The following PRPF39 variants were observed in gnomAD, a reference collection of about 807,000 sequenced individuals.
PRPF39 encodes pre-mRNA-processing factor 39.
Under a neutral mutation model 82.1 loss-of-function variants are expected in PRPF39, and 27 were observed. The observed-to-expected ratio is 0.33, with a 90% CI of 0.24 to 0.45. The LOEUF is 0.45. Among genes scored for constraint, PRPF39 ranks in the 20% least tolerant of loss-of-function variants. The pLI is 1.00. For synonymous variants in PRPF39, 261 were observed against 256.4 expected, an observed-to-expected ratio of 1.02 and a Z score of -0.17; for missense variants, 581 against 796.9, an observed-to-expected ratio of 0.73 and a Z score of 3.26.
chr14:45,111,692 G>A (rs939012898), intron 10 of PRPF39, among the ~76,000 whole-genome samples: 1 of 136,886 alleles, frequency 7.3e-6, no homozygotes, highest in Non-Finnish European at 1.5e-5. Context: ...AGGCTGGAGT[G>A]CAGTAGCGTG....
At chr14:45,098,333 C>A (rs892777401) in intron 4 of PRPF39, among the ~76,000 whole-genome samples, 2 of 151,698 alleles carry the variant, frequency 1.3e-5, no homozygotes, top group Non-Finnish European at 2.9e-5. Flanking sequence ...GTTCTAGCTA[C>A]TCGGGAGGCT....
In PRPF39 at chr14:45,110,445, TTAG is replaced by T. The variant is rs1884667399; in HGVS notation, c.1304-102_1304-100del. 4.7e-6 allele frequency: 6 copies of T among 1,279,474 alleles called. No homozygotes were observed. Among genetic ancestry groups the T allele is most frequent in the African/African-American group, 3.0e-5 (2 of 66,494 alleles). 79.3% of individuals were successfully genotyped at this position (1,279,474 alleles called of 1,614,324 possible). On this transcript the variant is annotated intron_variant, in intron 9 of 13. Transcript: ENST00000355765. The surrounding 1 kb of genome is among the most constrained non-coding windows in gnomAD (Gnocchi z 4.0). ...AAATATGCATGGCTGTTTCCCATTA[TTAG>T]TTGCTGGATTTAGCCCATGGGTGAT...
chr14:45,096,894 G>A lies in PRPF39; in HGVS notation c.458G>A (p.Arg153Gln), dbSNP rs1381806229. ...TTGCTGTTTTCTTCTTAGGTTTATC[G>A]GCGGGGGCTTCAGGCAATACCTCTT... ...DNIKPSDEVY[R>Q]RGLQAIPLSV... is the part of the protein sequence containing the mutation. The change falls in exon 4 of 14, where the codon CGG becomes CAG. Residue 153 changes from arginine to glutamine, a missense_variant. By Grantham distance (43) the Arg-to-Gln change is conservative (BLOSUM62 1). Coordinates refer to ENST00000355765, the MANE Select transcript of PRPF39 (RefSeq NM_017922.4). The A allele has an allele frequency of 2.6e-6, 4 of 1,536,070 alleles. No individual in the cohort carries two copies. Among genetic ancestry groups the A allele is most frequent in the South Asian group, 1.2e-5 (1 of 80,956 alleles).
Position 45,110,515 on chromosome 14 carries a change from A to T in PRPF39, c.1304-34A>T. ...TTATAAACGTTATTTTGGTTGTTTA[A>T]ACCAAAGCATAAACATTTAATTACT... is the stretch of plus-strand genomic sequence containing the variant. On this transcript the variant is annotated intron_variant, in intron 9 of 13. Coordinates refer to ENST00000355765, the MANE Select transcript of PRPF39 (RefSeq NM_017922.4). This position sits in a 1 kb window ranked among gnomAD's most constrained non-coding sequence, Gnocchi z 4.0. 1 of 1,537,350 alleles carries T rather than the reference A, an allele frequency of 6.5e-7. No homozygotes were observed. The highest frequency in any genetic ancestry group is 1.2e-5 in the South Asian group (1 of 83,028).
chr14:45,109,629 A>G lies in PRPF39; in HGVS notation c.1025A>G (p.Tyr342Cys). The change falls in exon 8 of 14, where the codon TAC becomes TGC. Residue 342 changes from tyrosine to cysteine, a missense_variant. Transcript: ENST00000355765. ...ATTTCATTTCAGATTAAAAGACCTTACTTTCATGTGAAACCTTTGGAAAAG... is the reference window on the plus strand; with the variant it reads ...ATTTCATTTCAGATTAAAAGACCTTGCTTTCATGTGAAACCTTTGGAAAAG... ...WTFEEGIKRPYFHVKPLEKAQ... is the reference protein window; with the variant it reads ...WTFEEGIKRPCFHVKPLEKAQ... 6.2e-7 allele frequency: 1 copy of G among 1,602,704 alleles called. No homozygotes were observed. The highest frequency in any genetic ancestry group is 8.5e-7 in the Non-Finnish European group (1 of 1,174,574).
intron 5 of PRPF39, among the ~76,000 whole-genome samples, chr14:45,104,775 G>A (rs1399082087): frequency 6.6e-6 from 1 of 152,130 alleles, no homozygotes; most frequent in East Asian, 1.9e-4. Context: ...CCAATCCCTG[G>A]TGGTTCCTGA....
At chr14:45,109,244 G>T (rs2139063634) in intron 7 of PRPF39, among the ~76,000 whole-genome samples, 1 of 152,168 alleles carries the variant, frequency 6.6e-6, no homozygotes, top group East Asian at 1.9e-4. Flanking sequence ...AACTCTTTTA[G>T]CACTCCAAAG....
In PRPF39 at chr14:45,112,466, T is replaced by G; in HGVS notation, c.1721T>G (p.Val574Gly). 6.5e-7 allele frequency: 1 copy of G among 1,528,496 alleles called. No individual in the cohort carries two copies. The highest frequency in any genetic ancestry group is 8.7e-7 in the Non-Finnish European group (1 of 1,145,770). 94.7% of individuals were successfully genotyped at this position (1,528,496 alleles called of 1,614,324 possible). Residue 574 changes from valine to glycine, a missense_variant, in exon 11 of 14, where the codon GTG becomes GGG. Transcript: ENST00000355765. ...KMRITFSQRK[V>G]EFLEDFGSDV... Reference sequence around the variant, plus strand: ...AGAATTACATTTTCTCAGAGAAAAGTGGAATTTCTTGAAGATTTTGGTTCC... The same window carrying G: ...AGAATTACATTTTCTCAGAGAAAAGGGGAATTTCTTGAAGATTTTGGTTCC...
At chr14:45,105,754 G>T (rs568978714) in intron 5 of PRPF39, among the ~76,000 whole-genome samples, 1 of 151,770 alleles carries the variant, frequency 6.6e-6, no homozygotes, top group Non-Finnish European at 1.5e-5. Flanking sequence ...TCAAACTCCT[G>T]ACCTCAGGTG....
chr14:45,101,622 C>T (rs1319569879), intron 4 of PRPF39, among the ~76,000 whole-genome samples: 1 of 151,944 alleles, frequency 6.6e-6, no homozygotes, highest in African/African-American at 2.4e-5. Flanking sequence ...TGCACCACAA[C>T]GCCTGGCTAA....
intron 13 of PRPF39, 103 bp downstream of exon 13, chr14:45,114,717 C>T (rs761477629): frequency 7.0e-7 from 1 of 1,426,878 alleles, no homozygotes; most frequent in Non-Finnish European, 9.6e-7. Context: ...TTGTGTAATA[C>T]ATTCTTTGGT....
At chr14:45,112,159 A>T (rs756958175) in intron 10 of PRPF39, among the ~76,000 whole-genome samples, 159 bp from the exon 11 acceptor site, 4 of 152,130 alleles carry the variant, frequency 2.6e-5, no homozygotes, top group Non-Finnish European at 4.4e-5. Flanking sequence ...GAATTTTTTC[A>T]CCCCTTTAGA....
In PRPF39 at chr14:45,096,937, A is replaced by G; in HGVS notation, c.501A>G (p.Ile167Met). 1 of 1,551,482 alleles carries G rather than the reference A, an allele frequency of 6.4e-7. No homozygotes were observed. The highest frequency in any genetic ancestry group is 1.4e-5 in the African/African-American group (1 of 73,134). The change falls in exon 4 of 14, where the codon ATA becomes ATG. Residue 167 changes from isoleucine to methionine, a missense_variant. Coordinates refer to ENST00000355765, the MANE Select transcript of PRPF39 (RefSeq NM_017922.4). ...TACCTCTTAGTGTTGACCTTTGGAT[A>G]CATTATATAAACTTCTTAAAAGAAA... is the stretch of plus-strand genomic sequence containing the variant. Reference protein sequence around the residue: ...QAIPLSVDLWIHYINFLKETL... With the variant: ...QAIPLSVDLWMHYINFLKETL...
Position 45,110,422 on chromosome 14 carries a change from AT to A in PRPF39, c.1304-126del. On this transcript the variant is annotated intron_variant, in intron 9 of 13. Transcript: ENST00000355765. This position sits in a 1 kb window ranked among gnomAD's most constrained non-coding sequence, Gnocchi z 4.0. The stretch of plus-strand genomic sequence containing the variant: ...CGAAACAGCCATAGGCAGTGTGTAA[AT>A]ATGCATGGCTGTTTCCCATTATTAG... 8.2e-7 allele frequency: 1 copy of A among 1,214,730 alleles called. No homozygotes were observed. The highest frequency in any genetic ancestry group is 1.6e-5 in the South Asian group (1 of 63,886). 75.2% of individuals were successfully genotyped at this position (1,214,730 alleles called of 1,614,324 possible).
Position 45,110,733 on chromosome 14 carries a change from C to G in PRPF39, c.1488C>G (p.Val496=). 6.4e-7 allele frequency: 1 copy of G among 1,560,120 alleles called. No homozygotes were observed. The highest frequency in any genetic ancestry group is 8.7e-7 in the Non-Finnish European group (1 of 1,151,132). Residue 496 remains valine, a synonymous_variant, in exon 10 of 14, where the codon GTC becomes GTG. Transcript: ENST00000355765. The surrounding 1 kb of genome is among the most constrained non-coding windows in gnomAD (Gnocchi z 4.0). ...KSNNESSFYA[V]KLARHLFKIQ... is the part of the protein sequence containing the mutation. Reference sequence around the variant, plus strand: ...ATAATGAATCTTCATTTTATGCTGTCAAACTAGCCCGGCATCTTTTCAAAA... The same window carrying G: ...ATAATGAATCTTCATTTTATGCTGTGAAACTAGCCCGGCATCTTTTCAAAA...
At chr14:45,087,740 A>ATTTTTTTTTT (rs35926249) in intron 1 of PRPF39, among the ~76,000 whole-genome samples, 4 of 123,420 alleles carry the variant, frequency 3.2e-5, no homozygotes, top group African/African-American at 6.1e-5. Context: ...TGCCCGGCTA[A>ATTTTTTTTTT]TTTTTTTTTT....
Position 45,096,951 on chromosome 14 carries a change from T to A in PRPF39, c.515T>A (p.Phe172Tyr), listed in dbSNP as rs180954766. ...GACCTTTGGATACATTATATAAACT[T>A]CTTAAAAGAAACATTGGACCCTGGT... is the stretch of plus-strand genomic sequence containing the variant. ...SVDLWIHYIN[F>Y]LKETLDPGDP... Residue 172 changes from phenylalanine (F) to tyrosine (Y), a missense_variant, in exon 4 of 14, where the codon TTC (phenylalanine) becomes TAC (tyrosine). Transcript: ENST00000355765. 40 of 1,553,590 alleles carry A rather than the reference T, an allele frequency of 2.6e-5. No homozygotes were observed. The highest frequency in any genetic ancestry group is 1.6e-4 in the Admixed American group (8 of 50,884).
chr14:45,096,911 A>G lies in PRPF39; in HGVS notation c.475A>G (p.Ile159Val), dbSNP rs1389773324. 8 of 1,543,296 alleles carry G rather than the reference A, an allele frequency of 5.2e-6. No individual in the cohort carries two copies. Among genetic ancestry groups the G allele is most frequent in the African/African-American group, 1.4e-5 (1 of 72,504 alleles). ...GGTTTATCGGCGGGGGCTTCAGGCA[A>G]TACCTCTTAGTGTTGACCTTTGGAT... Reference protein sequence around the residue: ...DEVYRRGLQAIPLSVDLWIHY... With the variant: ...DEVYRRGLQAVPLSVDLWIHY... The change falls in exon 4 of 14, where the codon ATA (isoleucine) becomes GTA (valine). Residue 159 changes from isoleucine (I) to valine (V), a missense_variant. Transcript: ENST00000355765.
intron 5 of PRPF39, among the ~76,000 whole-genome samples, chr14:45,106,210 G>A (rs747188319): frequency 2.6e-5 from 4 of 151,908 alleles, no homozygotes; most frequent in Non-Finnish European, 5.9e-5. Flanking sequence ...TTAGCTGGGC[G>A]TGGTGGTGCG....
Sources: gnomAD v4.1 joint callset for allele counts (sites outside exome capture counted in the v4.1 genomes callset) on GRCh38, gnomAD v4.1.1 for gene constraint, Gnocchi (gnomAD v3.1) non-coding constraint, MANE v1.5 for transcripts, NCBI Gene and HGNC (gene_info 2026-07-23, HGNC 2026-07-21) for gene names.